Variants in FGGY observed in about 807,000 individuals in gnomAD.
FGGY encodes the protein FGGY carbohydrate kinase domain containing.
A neutral mutation model predicts 71.3 loss-of-function variants in FGGY; 72 were observed. That is an observed-to-expected ratio of 1.01 (90% CI 0.84 to 1.23). The LOEUF (loss-of-function observed/expected upper bound fraction) is 1.23. Ranked by LOEUF, FGGY falls within the 50% of genes most tolerant of loss-of-function variation. The pLI is 0.00. For synonymous variants in FGGY, 251 were observed against 250.3 expected (o/e 1.00, Z -0.02); for missense variants, 668 against 682.3 (o/e 0.98, Z 0.23).
chr1:59,736,398 T>C (rs35218797), intron 14 of FGGY, among the ~76,000 whole-genome samples: 48,030 of 151,878 alleles, frequency 0.32, 8,731 homozygotes, highest in Middle Eastern at 0.45. Flanking sequence ...GCTCAGAAGA[T>C]AGGAAAATGT....
intron 2 of FGGY, among the ~76,000 whole-genome samples, chr1:59,323,615 A>G (rs1272221446): frequency 3.3e-5 from 5 of 152,368 alleles, no homozygotes; most frequent in Middle Eastern, 3.4e-3. Context: ...CAGATTCTGC[A>G]GCCAGACTGC....
intron 5 of FGGY, among the ~76,000 whole-genome samples, chr1:59,404,882 G>A (rs970506821): frequency 1.3e-5 from 2 of 152,134 alleles, no homozygotes; most frequent in Non-Finnish European, 2.9e-5. Flanking sequence ...TCTTCTCCAC[G>A]TACTGCCGCT....
chr1:59,361,189 G>A (rs1312743192), intron 4 of FGGY, among the ~76,000 whole-genome samples: 3 of 152,172 alleles, frequency 2.0e-5, no homozygotes, highest in East Asian at 1.9e-4. Context: ...GTTCAAGGAC[G>A]TTCATTCATT....
chr1:59,504,898 A>C (rs535469722), intron 6 of FGGY, among the ~76,000 whole-genome samples: 25 of 152,358 alleles, frequency 1.6e-4, no homozygotes, highest in East Asian at 1.2e-3. Context: ...AAGTTCAGCT[A>C]AATGAACATT....
At chr1:59,655,269 T>C (rs1427039322) in intron 11 of FGGY, among the ~76,000 whole-genome samples, 1 of 152,218 alleles carries the variant, frequency 6.6e-6, no homozygotes, top group Non-Finnish European at 1.5e-5. Flanking sequence ...TATTTTACTT[T>C]TGTAAGTTTA....
chr1:59,678,685 C>T (rs549803135), intron 14 of FGGY, among the ~76,000 whole-genome samples: 2 of 152,242 alleles, frequency 1.3e-5, no homozygotes, highest in South Asian at 4.1e-4. Flanking sequence ...TCTTCAGGGG[C>T]AGTTTTTATT....
intron 2 of FGGY, among the ~76,000 whole-genome samples, chr1:59,338,325 T>C (rs1304815245): frequency 6.6e-6 from 1 of 152,182 alleles, no homozygotes; most frequent in Non-Finnish European, 1.5e-5. Context: ...TTGACTTTGG[T>C]ATCAGGGTAA....
intron 7 of FGGY, among the ~76,000 whole-genome samples, chr1:59,542,842 A>G (rs986521279): frequency 2.6e-5 from 4 of 152,078 alleles, no homozygotes; most frequent in African/African-American, 7.2e-5. Flanking sequence ...AGGTCATGTA[A>G]ATGGTGATAT....
intron 5 of FGGY, among the ~76,000 whole-genome samples, chr1:59,447,758 A>G (rs758960139): frequency 6.6e-6 from 1 of 152,140 alleles, no homozygotes; most frequent in Non-Finnish European, 1.5e-5. Flanking sequence ...TTCCACCATG[A>G]TGGTGTGGCC....
intron 5 of FGGY, among the ~76,000 whole-genome samples, chr1:59,388,987 G>C (rs552190629): frequency 6.6e-6 from 1 of 151,638 alleles, no homozygotes; most frequent in African/African-American, 2.4e-5. Flanking sequence ...TTGCTCTGTC[G>C]CCCAGGCCGG....
intron 8 of FGGY, among the ~76,000 whole-genome samples, chr1:59,589,514 C>A (rs182835563): frequency 0.038 from 5,706 of 152,140 alleles, 179 homozygotes; most frequent in African/African-American, 0.083. Flanking sequence ...ACACCTATTC[C>A]AAAATTGACC....
intron 11 of FGGY, among the ~76,000 whole-genome samples, chr1:59,649,362 T>C (rs1049856378): frequency 4.9e-5 from 6 of 121,550 alleles, no homozygotes; most frequent in Non-Finnish European, 8.5e-5. Flanking sequence ...TTTCACGATA[T>C]TGATTCTTCC....
At chr1:59,628,944 T>C (rs995803198) in intron 10 of FGGY, among the ~76,000 whole-genome samples, 2 of 152,120 alleles carry the variant, frequency 1.3e-5, no homozygotes, top group African/African-American at 2.4e-5. Context: ...GAAAATTAAA[T>C]GAATTAGAAT....
intron 5 of FGGY, among the ~76,000 whole-genome samples, chr1:59,383,759 A>G (rs1031931208): frequency 6.6e-6 from 1 of 152,200 alleles, no homozygotes; most frequent in Non-Finnish European, 1.5e-5. Context: ...CCAATTGTCA[A>G]TCAGAAAATT....
chr1:59,518,184 G>T (rs1434651860), intron 7 of FGGY, among the ~76,000 whole-genome samples: 1 of 152,178 alleles, frequency 6.6e-6, no homozygotes, highest in Admixed American at 6.5e-5. Context: ...TTAAATGGAA[G>T]AATTTATTGA....
chr1:59,456,846 T>C, intron 5 of FGGY, 115 bp from the exon 6 acceptor site: 1 of 644,052 alleles, frequency 1.6e-6, no homozygotes, highest in Non-Finnish European at 2.8e-6. Context: ...TTATCTACAC[T>C]GGCTTATTCC....
At chr1:59,343,220 T>C (rs867358445) in intron 3 of FGGY, among the ~76,000 whole-genome samples, 1 of 152,206 alleles carries the variant, frequency 6.6e-6, no homozygotes, top group Non-Finnish European at 1.5e-5. Flanking sequence ...CATAAACATG[T>C]ATTTTAGCAA....
chr1:59,390,699 AG>A (rs111969309), intron 5 of FGGY, among the ~76,000 whole-genome samples: 3,245 of 152,282 alleles, frequency 0.021, 105 homozygotes, highest in African/African-American at 0.074. Context: ...CTAAATAAAA[AG>A]GGAGAATTGA....
At chr1:59,521,853 C>T (rs1364453500) in intron 7 of FGGY, among the ~76,000 whole-genome samples, 1 of 152,214 alleles carries the variant, frequency 6.6e-6, no homozygotes, top group Non-Finnish European at 1.5e-5. Context: ...TTAATGGCCA[C>T]AGGCAGCTTC....
Sources: gnomAD v4.1 joint callset for allele counts (sites outside exome capture counted in the v4.1 genomes callset) on GRCh38, gnomAD v4.1.1 for gene constraint, MANE v1.5 for transcripts, NCBI Gene and HGNC (gene_info 2026-07-23, HGNC 2026-07-21) for gene names.